The following DLD variants were observed in gnomAD, a reference collection of about 807,000 sequenced individuals.
DLD encodes the protein dihydrolipoamide dehydrogenase, also known as dihydrolipoyl dehydrogenase, mitochondrial.
Under a neutral mutation model 62.2 loss-of-function variants are expected in DLD, and 36 were observed. The ratio of observed to expected loss-of-function variants is 0.58; its 90% confidence interval spans 0.44 to 0.76. The LOEUF (loss-of-function observed/expected upper bound fraction) is 0.76, where lower values mean the gene tolerates loss of function less well. Among genes scored for constraint, DLD ranks in the 30% least tolerant of loss-of-function variants. DLD has a pLI of 0.00. For missense variants in DLD, 541 were observed against 608.6 expected (o/e 0.89, Z 1.17); for synonymous variants, 204 against 199.6 (o/e 1.02, Z -0.19).
rs750019316 is a variant in DLD at position 107,916,841 on chromosome 7, T to C, written c.923T>C (p.Val308Ala). 15 of 1,613,488 alleles carry C rather than the reference T, an allele frequency of 9.3e-6. No individual in the cohort carries two copies. The highest frequency in any genetic ancestry group is 1.2e-5 in the Non-Finnish European group (14 of 1,179,942). ...GGKAEVITCDVLLVCIGRRPF... is the reference protein window; with the variant it reads ...GGKAEVITCDALLVCIGRRPF... The stretch of plus-strand genomic sequence containing the variant: ...AAAGCTGAAGTTATCACTTGTGATG[T>C]ACTCTTGGTTTGCATTGGCCGACGA... The change falls in exon 10 of 14, where the codon GTA becomes GCA. Residue 308 changes from valine (V) to alanine (A), a missense_variant. Physicochemically the swap from Val to Ala is moderately conservative, Grantham distance 64. Coordinates refer to ENST00000205402, the MANE Select transcript of DLD (RefSeq NM_000108.5).
chr7:107,891,299 G>A lies in DLD; in HGVS notation c.39+10G>A. 3 of 1,614,028 alleles carry A rather than the reference G, an allele frequency of 1.9e-6. No homozygotes were observed. The highest frequency in any genetic ancestry group is 1.1e-5 in the South Asian group (1 of 91,076). On this transcript the variant is annotated intron_variant, in intron 1 of 13. Coordinates refer to ENST00000205402, the MANE Select transcript of DLD (RefSeq NM_000108.5). ...CTGCTCCTTGGCCAAGGTGAGGGCC[G>A]AGTAGGTGAGGTCGTGTTGAGCCAG...
Position 107,918,999 on chromosome 7 carries a change from TTATTTTAAA to T in DLD, c.1375-10_1375-2del. ...CTTGGAAGCAAATTTACTTGGCTTG[TTATTTTAAA>T]GGGTGCTGGAGAAATGGTAAATGAA... On this transcript the variant is annotated splice_acceptor_variant and splice_polypyrimidine_tract_variant and intron_variant, in intron 12 of 13. Coordinates refer to ENST00000205402, the MANE Select transcript of DLD (RefSeq NM_000108.5). LOFTEE classifies it high-confidence loss of function. The T allele has an allele frequency of 6.2e-7, 1 of 1,613,280 alleles. No individual in the cohort carries two copies. Among genetic ancestry groups the T allele is most frequent in the Non-Finnish European group, 8.5e-7 (1 of 1,179,318 alleles).
chr7:107,918,069 T>C lies in DLD; in HGVS notation c.1374+8T>C, dbSNP rs768177436. 5.0e-6 allele frequency: 8 copies of C among 1,613,862 alleles called. No homozygotes were observed. In the East Asian group the frequency reaches 1.6e-4, roughly 31 times the overall value. ...GCACATATTCTTGGACCAGTGAGTATTGTAAAACCAGAGAAATCCCATTAA... is the reference window on the plus strand; with the variant it reads ...GCACATATTCTTGGACCAGTGAGTACTGTAAAACCAGAGAAATCCCATTAA... On this transcript the variant is annotated splice_region_variant and intron_variant, in intron 12 of 13. Transcript: ENST00000205402.
Position 107,916,940 on chromosome 7 carries a change from C to T in DLD, c.1022C>T (p.Thr341Ile). Residue 341 changes from threonine (T) to isoleucine (I), a missense_variant, in exon 10 of 14, where the codon ACC (threonine) becomes ATC (isoleucine). Transcript: ENST00000205402. ...CCCAGAGGTAGAATTCCAGTCAATA[C>T]CAGATTTCAAACTAAAATTCCAAAG... ...LDPRGRIPVN[T>I]RFQTKIPNIY... is the part of the protein sequence containing the mutation. 1 of 1,613,572 alleles carries T rather than the reference C, an allele frequency of 6.2e-7. No homozygotes were observed. Among genetic ancestry groups the T allele is most frequent in the Non-Finnish European group, 8.5e-7 (1 of 1,179,888 alleles).
chr7:107,895,173 T>C (rs1422714823), intron 2 of DLD, among the ~76,000 whole-genome samples: 1 of 152,230 alleles, frequency 6.6e-6, no homozygotes, highest in Non-Finnish European at 1.5e-5. Flanking sequence ...CTACTACCTG[T>C]GTGCTGCTGT....
Position 107,920,230 on chromosome 7 carries a change from AAGAGT to A in DLD, c.*972_*976del. 6.6e-6 allele frequency: 1 copy of A among 152,294 alleles called. No individual in the cohort carries two copies. Among genetic ancestry groups the A allele is most frequent in the African/African-American group, 2.4e-5 (1 of 41,430 alleles). 9.4% of individuals were successfully genotyped at this position (152,294 alleles called of 1,614,324 possible). On this transcript the variant is annotated 3_prime_UTR_variant, in exon 14 of 14. Transcript: ENST00000205402. ...GGCTGGGTTAATGACTGTTTATTTA[AAGAGT>A]GTTGTAAAATTGGATGTGTGGTGTT...
At chr7:107,903,877 G>T in intron 5 of DLD, 1 of 275,156 alleles carries the variant, frequency 3.6e-6, no homozygotes, top group South Asian at 3.8e-5. Flanking sequence ...CACTGAGAAG[G>T]CTGGATTCCT....
intron 8 of DLD, among the ~76,000 whole-genome samples, chr7:107,908,578 G>A (rs576915983): frequency 6.6e-6 from 1 of 151,280 alleles, no homozygotes; most frequent in African/African-American, 2.4e-5. Context: ...TGAGATGGGA[G>A]AATCACCTGA....
At chr7:107,893,027 G>A (rs1164494006) in intron 1 of DLD, among the ~76,000 whole-genome samples, 173 bp from the exon 2 acceptor site, 2 of 152,166 alleles carry the variant, frequency 1.3e-5, no homozygotes, top group Non-Finnish European at 2.9e-5. Flanking sequence ...TAAATGATTA[G>A]TTATTGTCAA....
In DLD at chr7:107,919,399, G is replaced by A. The variant is rs892987966; in HGVS notation, c.*140G>A. On this transcript the variant is annotated 3_prime_UTR_variant, in exon 14 of 14. Transcript: ENST00000205402. ...CTTTTGGAAGGTATTTAATAGGTTT[G>A]GACAAAATGGAATACTCTTATATCT... 40 of 675,906 alleles carry A rather than the reference G, an allele frequency of 5.9e-5. No individual in the cohort carries two copies. In the African/African-American group the frequency reaches 6.9e-4, roughly 12 times the overall value. 41.9% of individuals were successfully genotyped at this position (675,906 alleles called of 1,614,324 possible).
At chr7:107,910,477 C>T (rs891451447) in intron 8 of DLD, among the ~76,000 whole-genome samples, 74 of 152,226 alleles carry the variant, frequency 4.9e-4, no homozygotes, top group Non-Finnish European at 1.0e-3. Context: ...GTCATGATAT[C>T]TATTTATTTT....
intron 6 of DLD, 148 bp downstream of exon 6, chr7:107,905,206 T>C (rs2031974218): frequency 3.9e-6 from 4 of 1,014,548 alleles, no homozygotes; most frequent in South Asian, 2.8e-5. Flanking sequence ...CCCTGACATA[T>C]ATCACAGATT....
At chr7:107,897,710 C>T (rs1312022373) in intron 2 of DLD, among the ~76,000 whole-genome samples, 2 of 151,298 alleles carry the variant, frequency 1.3e-5, no homozygotes, top group African/African-American at 4.9e-5. Flanking sequence ...TCCTGAGTAG[C>T]TGGGACTACA....
chr7:107,905,154 A>G (rs962799672), intron 6 of DLD, 96 bp downstream of exon 6: 22 of 1,047,524 alleles, frequency 2.1e-5, no homozygotes, highest in Admixed American at 6.0e-5. Flanking sequence ...ACAGGGGAAT[A>G]TTTATTTAAT....
chr7:107,896,409 T>C (rs1451759473), intron 2 of DLD, among the ~76,000 whole-genome samples: 1 of 152,210 alleles, frequency 6.6e-6, no homozygotes, highest in East Asian at 1.9e-4. Flanking sequence ...GCTGCAGGTG[T>C]CATCCTTACT....
Position 107,905,467 on chromosome 7 carries a change from C to T in DLD, c.545C>T (p.Ala182Val), listed in dbSNP as rs1484441061. The change falls in exon 7 of 14, where the codon GCC becomes GTC. Residue 182 changes from alanine to valine, a missense_variant. By Grantham distance (64) the Ala-to-Val change is moderately conservative. Coordinates refer to ENST00000205402, the MANE Select transcript of DLD (RefSeq NM_000108.5). ...QVIDTKNILIATGSEVTPFPG... is the reference protein window; with the variant it reads ...QVIDTKNILIVTGSEVTPFPG... ...ATTGATACAAAGAACATTCTTATAG[C>T]CACGGGTTCAGAAGTTACTCCTTTT... The T allele has an allele frequency of 6.2e-7, 1 of 1,613,596 alleles. No homozygotes were observed. Among genetic ancestry groups the T allele is most frequent in the Non-Finnish European group, 8.5e-7 (1 of 1,179,714 alleles).
chr7:107,892,220 T>C (rs2031598037), intron 1 of DLD, among the ~76,000 whole-genome samples: 1 of 152,198 alleles, frequency 6.6e-6, no homozygotes, highest in Non-Finnish European at 1.5e-5. Flanking sequence ...CAGGGGTTAT[T>C]TGCTTGCTTG....
Position 107,917,904 on chromosome 7 carries a change from T to A in DLD, c.1237-20T>A. 1.9e-6 allele frequency: 3 copies of A among 1,612,946 alleles called. No homozygotes were observed. Among genetic ancestry groups the A allele is most frequent in the Non-Finnish European group, 2.5e-6 (3 of 1,179,152 alleles). ...ACTTTTCTGGCAGTTACGTAGATTC[T>A]TTTTTTCTGACTGTCACAGGGTATT... On this transcript the variant is annotated intron_variant, in intron 11 of 13. Transcript: ENST00000205402.
intron 8 of DLD, among the ~76,000 whole-genome samples, chr7:107,908,105 A>C (rs1170052506): frequency 6.6e-6 from 1 of 150,944 alleles, no homozygotes; most frequent in Non-Finnish European, 1.5e-5. Context: ...ATATTATGCA[A>C]GTTCCCCTTT....
Sources: allele counts gnomAD v4.1 joint callset (sites outside exome capture counted in the v4.1 genomes callset), GRCh38; gene constraint gnomAD v4.1.1; transcripts MANE v1.5; gene names NCBI Gene and HGNC (gene_info 2026-07-23, HGNC 2026-07-21).